Variants in PAPSS2 observed in about 807,000 individuals in gnomAD.
The protein encoded by PAPSS2 is 3'-phosphoadenosine 5'-phosphosulfate synthase 2, also known as bifunctional 3'-phosphoadenosine 5'-phosphosulfate synthase 2.
PAPSS2 carries 61 observed loss-of-function variants against 66.5 expected under a neutral mutation model. The ratio of observed to expected loss-of-function variants is 0.92; its 90% CI spans 0.75 to 1.14. The LOEUF (loss-of-function observed/expected upper bound fraction) is 1.14. PAPSS2 is among the 50% of genes most tolerant of loss of function. The probability of loss-of-function intolerance (pLI) is 0.00; values close to 1 mark genes in which losing one functional copy is unlikely to be tolerated. For synonymous variants in PAPSS2, 289 were observed against 287.5 expected, an observed-to-expected ratio of 1.01 and a Z score of -0.05; for missense variants, 708 against 789.6, an observed-to-expected ratio of 0.90 and a Z score of 1.24.
chr10:87,736,968 G>A lies in PAPSS2; in HGVS notation c.1087-4267G>A, dbSNP rs200884618. ...TCTGCAGACCCTCCCTGCTTGGCCC[G>A]CCCTCAGAAGTAGGGCTGCTCTGAG... On this transcript the variant is annotated intron_variant, in intron 9 of 12. Coordinates refer to ENST00000456849, the MANE Select transcript of PAPSS2 (RefSeq NM_001015880.2). Among the ~76,000 whole-genome samples the A allele has an allele frequency of 9.2e-5, 14 of 152,222 alleles. 1 individual carries two copies. In the East Asian group the frequency reaches 2.3e-3, roughly 25 times the overall value.
intron 8 of PAPSS2, among the ~76,000 whole-genome samples, chr10:87,724,716 C>T (rs1056472358): frequency 6.8e-6 from 1 of 147,522 alleles, no homozygotes; most frequent in Non-Finnish European, 1.5e-5. Flanking sequence ...ACATTGATAT[C>T]TATATATAAC....
chr10:87,713,188 A>C lies in PAPSS2; in HGVS notation c.259A>C (p.Arg87=), dbSNP rs1180753301. 2 of 1,613,222 alleles carry C rather than the reference A, an allele frequency of 1.2e-6. No individual in the cohort carries two copies. The highest frequency in any genetic ancestry group is 1.7e-6 in the Non-Finnish European group (2 of 1,179,530). The change falls in exon 3 of 13, where the codon AGA becomes CGA. Residue 87 remains arginine (R), a synonymous_variant. Transcript: ENST00000456849. The part of the protein sequence containing the change: ...DGDNVRHGLN[R]NLGFSPGDRE... Reference sequence around the variant, plus strand: ...GGACAATGTCCGTCATGGCCTTAACAGAAATCTCGGATTCTCTCCTGGGGA... The same window carrying C: ...GGACAATGTCCGTCATGGCCTTAACCGAAATCTCGGATTCTCTCCTGGGGA...
chr10:87,675,608 G>C (rs1045668352), intron 1 of PAPSS2, among the ~76,000 whole-genome samples: 1 of 152,156 alleles, frequency 6.6e-6, no homozygotes, highest in African/African-American at 2.4e-5. Context: ...ATACCTGCAT[G>C]GGTTTTATGC....
intron 1 of PAPSS2, among the ~76,000 whole-genome samples, chr10:87,708,796 CTA>C (rs1419119242): frequency 6.6e-6 from 1 of 152,038 alleles, no homozygotes; most frequent in East Asian, 1.9e-4. Context: ...TTGTTGAAGA[CTA>C]TTAATGTAAT....
At chr10:87,678,374 T>C (rs914946500) in intron 1 of PAPSS2, among the ~76,000 whole-genome samples, 6 of 152,174 alleles carry the variant, frequency 3.9e-5, no homozygotes, top group Non-Finnish European at 8.8e-5. Context: ...CACTTCAAGA[T>C]ATTGGTCTAG....
intron 1 of PAPSS2, among the ~76,000 whole-genome samples, chr10:87,662,869 T>C (rs1355627486): frequency 6.6e-6 from 1 of 151,354 alleles, no homozygotes; most frequent in Non-Finnish European, 1.5e-5. Flanking sequence ...CCTTATTTAT[T>C]TTCTTTCTTT....
At chr10:87,672,538 C>T (rs934271002) in intron 1 of PAPSS2, among the ~76,000 whole-genome samples, 2 of 152,110 alleles carry the variant, frequency 1.3e-5, no homozygotes, top group Admixed American at 1.3e-4. Context: ...GTTAGTTCAT[C>T]CTGGATTACC....
intron 9 of PAPSS2, among the ~76,000 whole-genome samples, chr10:87,738,257 T>C (rs1853824098): frequency 6.6e-6 from 1 of 152,242 alleles, no homozygotes; most frequent in Non-Finnish European, 1.5e-5. Context: ...CTGGATCATA[T>C]GGTAGTTCCA....
At chr10:87,731,098 C>A (rs941250084) in intron 9 of PAPSS2, among the ~76,000 whole-genome samples, 1 of 152,200 alleles carries the variant, frequency 6.6e-6, no homozygotes, top group East Asian at 1.9e-4. Context: ...GGCTTCAAAG[C>A]TTCAAAGGAC....
At position 87,720,156 on chromosome 10, in the gene PAPSS2, G is replaced by C. The variant is rs1853577145; in HGVS notation, c.866-1600G>C. On this transcript the variant is annotated intron_variant, in intron 7 of 12. Transcript: ENST00000456849. ...CTGCCTCAGCCTCCTAAAGTGCTAG[G>C]ATTAGAGCCATGAGCCGCTGCACGC... 5.3e-5 allele frequency among the ~76,000 whole-genome samples: 8 copies of C among 152,286 alleles called. No homozygotes were observed. The South Asian group carries it at 1.7e-3, about 32-fold the overall frequency.
chr10:87,672,815 A>C (rs1022765796), intron 1 of PAPSS2, among the ~76,000 whole-genome samples: 1 of 152,240 alleles, frequency 6.6e-6, no homozygotes, highest in East Asian at 1.9e-4. Context: ...CCTATAAGCT[A>C]GGAATGGTTT....
intron 7 of PAPSS2, among the ~76,000 whole-genome samples, chr10:87,717,994 G>T (rs964107016): frequency 6.6e-5 from 10 of 151,690 alleles, no homozygotes; most frequent in African/African-American, 9.7e-5. Flanking sequence ...TTTTATGGGG[G>T]TTTTTCAACT....
intron 1 of PAPSS2, among the ~76,000 whole-genome samples, chr10:87,676,224 C>G (rs1852944879): frequency 6.6e-6 from 1 of 151,994 alleles, no homozygotes; most frequent in African/African-American, 2.4e-5. Flanking sequence ...TGGAAATTTG[C>G]CCGATTCCCA....
At chr10:87,673,153 AGTACTAGCT>A (rs1852900561) in intron 1 of PAPSS2, among the ~76,000 whole-genome samples, 1 of 152,214 alleles carries the variant, frequency 6.6e-6, no homozygotes, top group Non-Finnish European at 1.5e-5. Context: ...CAGAGAGCTG[AGTACTAGCT>A]GTACTTCATG....
chr10:87,727,336 T>G lies in PAPSS2; in HGVS notation c.933T>G (p.Asp311Glu). ...IPIVLPVSAE[D>E]KTRLEGCSKF... is the part of the protein sequence containing the mutation. The stretch of plus-strand genomic sequence containing the variant: ...TTGTACTGCCCGTCTCTGCAGAGGA[T>G]AAGACACGGCTGGAAGGGTGCAGCA... The change falls in exon 9 of 13, where the codon GAT becomes GAG. Residue 311 changes from aspartate to glutamate, a missense_variant. Coordinates refer to ENST00000456849, the MANE Select transcript of PAPSS2 (RefSeq NM_001015880.2). 6.2e-7 allele frequency: 1 copy of G among 1,614,062 alleles called. No homozygotes were observed. The highest frequency in any genetic ancestry group is 8.5e-7 in the Non-Finnish European group (1 of 1,179,984).
chr10:87,689,232 C>T (rs373524150), intron 1 of PAPSS2, among the ~76,000 whole-genome samples: 2 of 138,830 alleles, frequency 1.4e-5, no homozygotes, highest in Non-Finnish European at 3.2e-5. Context: ...CCTAGCTACT[C>T]GGGAGGCTGA....
At chr10:87,712,190 A>C (rs1853470293) in intron 2 of PAPSS2, among the ~76,000 whole-genome samples, 1 of 152,126 alleles carries the variant, frequency 6.6e-6, no homozygotes, top group African/African-American at 2.4e-5. Flanking sequence ...CTCTAAATAC[A>C]TCTGCTCCCT....
intron 9 of PAPSS2, 85 bp from the exon 10 acceptor site, chr10:87,741,150 C>G: frequency 7.3e-7 from 1 of 1,366,190 alleles, no homozygotes; most frequent in Non-Finnish European, 1.0e-6. Context: ...AACTGTAACC[C>G]GAGATTGGTC....
intron 1 of PAPSS2, among the ~76,000 whole-genome samples, chr10:87,706,108 A>ATATATATATATGTGTGTGTGTGTG: frequency 1.2e-4 from 6 of 52,016 alleles, no homozygotes; most frequent in African/African-American, 6.0e-4. Flanking sequence ...ATATATATAT[A>ATATATATATATGTGTGTGTGTGTG]TGTGTGTGTG....
Sources: allele counts gnomAD v4.1 joint callset (sites outside exome capture counted in the v4.1 genomes callset), GRCh38; gene constraint gnomAD v4.1.1; transcripts MANE v1.5; gene names NCBI Gene and HGNC (gene_info 2026-07-23, HGNC 2026-07-21).